TAF12: variants seen among roughly 807,000 people sequenced by gnomAD.
TAF12 encodes transcription initiation factor TFIID subunit 12.
In TAF12, 3 loss-of-function variants were observed where a neutral mutation model predicts 20.8. That is an observed-to-expected ratio of 0.14 (90% CI 0.07 to 0.37). The LOEUF (loss-of-function observed/expected upper bound fraction) is 0.37, where lower values mean the gene tolerates loss of function less well. Ranked by LOEUF, TAF12 falls within the 10% of genes least tolerant of loss-of-function variation. The pLI, the probability that TAF12 is intolerant of heterozygous loss-of-function variation, is 1.00. For missense variants in TAF12, 131 were observed against 197.9 expected (o/e 0.66, Z 2.03); for synonymous variants, 69 against 70.2 (o/e 0.98, Z 0.09).
At chr1:28,609,631 C>T (rs1307282020) in intron 4 of TAF12, among the ~76,000 whole-genome samples, 1 of 151,850 alleles carries the variant, frequency 6.6e-6, no homozygotes, top group African/African-American at 2.4e-5. Flanking sequence ...GGACTACAGG[C>T]GTGCACCACC....
chr1:28,621,462 T>C (rs181335206), intron 2 of TAF12, among the ~76,000 whole-genome samples: 4 of 152,268 alleles, frequency 2.6e-5, no homozygotes, highest in Non-Finnish European at 5.9e-5. Flanking sequence ...GAATAATGAA[T>C]CAATTTATTA....
Position 28,617,434 on chromosome 1 carries a change from C to G in TAF12, c.246+519G>C, listed in dbSNP as rs919408646. 5.3e-5 allele frequency among the ~76,000 whole-genome samples: 8 copies of G among 151,708 alleles called. No individual in the cohort carries two copies. In the Middle Eastern group the frequency reaches 0.01, roughly 194 times the overall value. ...CTGGAACTACAGGTACACACCACCA[C>G]GCTCAGCTAATTTTTTTTCTTTTTT... On this transcript the variant is annotated intron_variant, in intron 3 of 5. Coordinates refer to ENST00000373824, the MANE Select transcript of TAF12 (RefSeq NM_005644.4).
intron 4 of TAF12, among the ~76,000 whole-genome samples, chr1:28,608,978 C>T (rs1666765469): frequency 6.6e-6 from 1 of 152,126 alleles, no homozygotes; most frequent in South Asian, 2.1e-4. Flanking sequence ...AAGACAGTAG[C>T]TACCACACAT....
At chr1:28,645,339 C>CTTT (rs1171697773), upstream of TAF12, among the ~76,000 whole-genome samples, 2 of 137,706 alleles carry the variant, frequency 1.5e-5, no homozygotes, top group Admixed American at 1.5e-4. Flanking sequence ...CCGGCCTCTT[C>CTTT]TTTTTTTTTT....
chr1:28,608,904 G>A (rs932233181), intron 4 of TAF12, among the ~76,000 whole-genome samples: 1 of 151,892 alleles, frequency 6.6e-6, no homozygotes, highest in African/African-American at 2.4e-5. Context: ...TCACACCCTT[G>A]CATTCCAGCC....
intron 1 of TAF12, among the ~76,000 whole-genome samples, chr1:28,630,255 T>A (rs2124363257): frequency 6.6e-6 from 1 of 152,204 alleles, no homozygotes; most frequent in Middle Eastern, 3.4e-3. Flanking sequence ...CTATCTCACA[T>A]TTATACAAAA....
upstream of TAF12, chr1:28,643,229 G>T (rs1274551466): frequency 3.7e-6 from 2 of 537,530 alleles, no homozygotes; most frequent in Non-Finnish European, 4.8e-6. Context: ...CCTGCAGCTT[G>T]CGCTTTTAAC....
upstream of TAF12, among the ~76,000 whole-genome samples, chr1:28,646,558 T>C (rs1668190190): frequency 6.6e-6 from 1 of 151,974 alleles, no homozygotes; most frequent in African/African-American, 2.4e-5. Flanking sequence ...TGAGACGGAG[T>C]TCGCTCTTGT....
chr1:28,638,070 G>A (rs1002600255), intron 1 of TAF12, among the ~76,000 whole-genome samples: 14 of 151,882 alleles, frequency 9.2e-5, no homozygotes, highest in African/African-American at 2.9e-4. Flanking sequence ...GCACAATCTC[G>A]GCTCACTGCA....
intron 1 of TAF12, among the ~76,000 whole-genome samples, chr1:28,626,451 G>A (rs1405811649): frequency 6.6e-6 from 1 of 151,454 alleles, no homozygotes; most frequent in Non-Finnish European, 1.5e-5. Context: ...CTTGGTGGCA[G>A]GCACCTGTAG....
At chr1:28,607,807 T>C (rs1666717582) in intron 4 of TAF12, among the ~76,000 whole-genome samples, 1 of 152,006 alleles carries the variant, frequency 6.6e-6, no homozygotes, top group Admixed American at 6.6e-5. Flanking sequence ...ACCACTGCAC[T>C]GCAGCCTGGG....
chr1:28,633,679 A>G (rs1667718098), intron 1 of TAF12, among the ~76,000 whole-genome samples: 1 of 151,692 alleles, frequency 6.6e-6, no homozygotes, highest in Admixed American at 6.6e-5. Context: ...TGGGAGGCCG[A>G]GGTGGGCAGA....
chr1:28,617,550 C>A (rs1231586096), intron 3 of TAF12, among the ~76,000 whole-genome samples: 1 of 151,402 alleles, frequency 6.6e-6, no homozygotes, highest in Non-Finnish European at 1.5e-5. Context: ...AGGTTCACTT[C>A]ATTCTCCTGC....
At chr1:28,639,128 G>A (rs1442145607) in intron 1 of TAF12, among the ~76,000 whole-genome samples, 1 of 151,622 alleles carries the variant, frequency 6.6e-6, no homozygotes, top group Non-Finnish European at 1.5e-5. Context: ...AGGCTGGAGT[G>A]CAGTGGTGTG....
chr1:28,619,967 G>C (rs577461833), intron 2 of TAF12, among the ~76,000 whole-genome samples: 1 of 151,148 alleles, frequency 6.6e-6, no homozygotes, highest in Non-Finnish European at 1.5e-5. Flanking sequence ...AAAAGAGAGA[G>C]AGACAGACAG....
Position 28,605,431 on chromosome 1 carries a change from A to C in TAF12, c.391T>G (p.Phe131Val). 1 of 1,614,076 alleles carries C rather than the reference A, an allele frequency of 6.2e-7. No homozygotes were observed. The highest frequency in any genetic ancestry group is 8.5e-7 in the Non-Finnish European group (1 of 1,180,012). The change falls in exon 5 of 6, where the codon TTT becomes GTT. Residue 131 changes from phenylalanine (F) to valine (V), a missense_variant. Phe to Val is a conservative substitution (Grantham distance 50, BLOSUM62 -1). This residue lies in a region of TAF12 where 60 missense variants were observed against 90.2 expected (regional missense o/e 0.66). Coordinates refer to ENST00000373824, the MANE Select transcript of TAF12 (RefSeq NM_005644.4). ...ERQWNMWIPG[F>V]GSEEIRPYKK... The stretch of plus-strand genomic sequence containing the variant: ...TAGGGTCGGATTTCTTCAGAGCCAA[A>C]TCCTGGGATCCACATGTTCCACTGG...
At chr1:28,622,242 T>G in intron 1 of TAF12, 77 bp from the exon 2 acceptor site, 1 of 1,328,116 alleles carries the variant, frequency 7.5e-7, no homozygotes. Flanking sequence ...AAAAGAGGCC[T>G]GGTGCAATGG....
chr1:28,642,682 C>T, intron 1 of TAF12: 5 of 985,544 alleles, frequency 5.1e-6, no homozygotes, highest in Middle Eastern at 5.2e-4. Flanking sequence ...CTTCACGCCC[C>T]GTTCCTTTCT....
At chr1:28,633,401 C>A (rs1667706279) in intron 1 of TAF12, among the ~76,000 whole-genome samples, 1 of 150,296 alleles carries the variant, frequency 6.7e-6, no homozygotes, top group African/African-American at 2.4e-5. Flanking sequence ...TTCCCGACCT[C>A]AGGTGATCCA....
Sources: allele counts gnomAD v4.1 joint callset (sites outside exome capture counted in the v4.1 genomes callset), GRCh38; gene constraint gnomAD v4.1.1; regional missense constraint gnomAD v4.1.1; transcripts MANE v1.5; gene names NCBI Gene and HGNC (gene_info 2026-07-23, HGNC 2026-07-21).